The following STRBP variants were observed in gnomAD, a reference collection of about 807,000 sequenced individuals.
The protein encoded by STRBP is spermatid perinuclear RNA-binding protein.
In STRBP, 13 loss-of-function variants were observed where a neutral mutation model predicts 80.1. The observed-to-expected ratio is 0.16, with a 90% CI of 0.11 to 0.26. The LOEUF is 0.26. Ranked by LOEUF, STRBP falls within the 10% of genes least tolerant of loss-of-function variation. The pLI, the probability that STRBP is intolerant of heterozygous loss-of-function variation, is 1.00. For missense variants in STRBP, 485 were observed against 815.2 expected, an observed-to-expected ratio of 0.59 and a Z score of 4.93; for synonymous variants, 284 against 291.2, an observed-to-expected ratio of 0.98 and a Z score of 0.25.
At chr9:123,164,550 T>G (rs1299739195) in intron 6 of STRBP, among the ~76,000 whole-genome samples, 14 of 152,158 alleles carry the variant, frequency 9.2e-5, no homozygotes, top group Non-Finnish European at 1.5e-5. Context: ...ACATGCAAGC[T>G]AGCTATCTGT....
chr9:123,194,581 T>C (rs1029849436), intron 2 of STRBP, among the ~76,000 whole-genome samples: 3 of 152,180 alleles, frequency 2.0e-5, no homozygotes, highest in African/African-American at 7.2e-5. Context: ...TTCTAGAGCA[T>C]AACTGAGTTT....
At chr9:123,197,667 CTTTT>C (rs71388358) in intron 2 of STRBP, among the ~76,000 whole-genome samples, 8 of 87,380 alleles carry the variant, frequency 9.2e-5, no homozygotes, top group East Asian at 3.8e-4. Context: ...AAACATATTT[CTTTT>C]TTTTTTTTTT....
intron 3 of STRBP, among the ~76,000 whole-genome samples, chr9:123,182,805 C>T (rs1202907033): frequency 3.9e-5 from 6 of 151,942 alleles, no homozygotes; most frequent in African/African-American, 1.5e-4. Flanking sequence ...TGAGCCAAGG[C>T]GTTCCAGACC....
chr9:123,115,966 T>TC lies in STRBP; in HGVS notation c.*46dup, dbSNP rs1427548700. ...CCCACGTTCTCTCCAGGTCTCCTCT[T>TC]CACCAGCCTTAACCTTCTGGTCCTT... On this transcript the variant is annotated 3_prime_UTR_variant and NMD_transcript_variant, in exon 3 of 4. Transcript: ENST00000471564. This position sits in a 1 kb window ranked among gnomAD's most constrained non-coding sequence, Gnocchi z 5.0. 1 of 455,880 alleles carries TC rather than the reference T, an allele frequency of 2.2e-6. No homozygotes were observed. The highest frequency in any genetic ancestry group is 6.9e-5 in the East Asian group (1 of 14,394). 28.2% of individuals were successfully genotyped at this position (455,880 alleles called of 1,614,324 possible).
downstream of STRBP, among the ~76,000 whole-genome samples, chr9:123,120,664 TG>T (rs1282221354): frequency 7.9e-5 from 12 of 152,180 alleles, no homozygotes; most frequent in East Asian, 1.9e-3. Flanking sequence ...AAAAAAAATG[TG>T]CTCCGTGTTT....
intron 11 of STRBP, among the ~76,000 whole-genome samples, chr9:123,156,390 T>G (rs1250890005): frequency 1.3e-5 from 2 of 151,986 alleles, no homozygotes; most frequent in African/African-American, 4.8e-5. Context: ...TAGGGTAGAA[T>G]CTGGAGGATT....
intron 1 of STRBP, among the ~76,000 whole-genome samples, chr9:123,259,632 C>T (rs2041117858): frequency 6.6e-6 from 1 of 152,128 alleles, no homozygotes; most frequent in African/African-American, 2.4e-5. Flanking sequence ...TTGCTTGAAC[C>T]CGGGCAGCAG....
intron 2 of STRBP, among the ~76,000 whole-genome samples, chr9:123,223,049 TGATAGATA>T (rs33997248): frequency 0.079 from 11,705 of 147,948 alleles, 494 homozygotes; most frequent in Non-Finnish European, 0.093. Flanking sequence ...GATAGATAGA[TGATAGATA>T]GATAGATAGA....
Position 123,136,524 on chromosome 9 carries a change from G to C in STRBP, c.1498-9C>G, listed in dbSNP as rs2036359523. ...GGGCCCTGAGTTCTTACCTATAAGA[G>C]AAAGGGAATCTGAAGGTTCAATCAA... On this transcript the variant is annotated splice_polypyrimidine_tract_variant and intron_variant, in intron 14 of 18. Transcript: ENST00000348403. This position sits in a 1 kb window ranked among gnomAD's most constrained non-coding sequence, Gnocchi z 4.2. 1.2e-6 allele frequency: 2 copies of C among 1,610,958 alleles called. No homozygotes were observed. Among genetic ancestry groups the C allele is most frequent in the Non-Finnish European group, 1.7e-6 (2 of 1,179,266 alleles).
intron 1 of STRBP, among the ~76,000 whole-genome samples, chr9:123,264,418 T>C (rs2041225408): frequency 6.6e-6 from 1 of 152,218 alleles, no homozygotes; most frequent in Admixed American, 6.5e-5. Context: ...TTCATCTCTA[T>C]CCAACTTTCA....
intron 6 of STRBP, among the ~76,000 whole-genome samples, chr9:123,169,037 A>G (rs1357611523): frequency 2.0e-5 from 3 of 152,170 alleles, no homozygotes; most frequent in African/African-American, 7.2e-5. Context: ...AATTTACTAA[A>G]CATTATCCAT....
intron 11 of STRBP, among the ~76,000 whole-genome samples, chr9:123,153,169 G>A (rs143553149): frequency 1.3e-5 from 2 of 151,250 alleles, no homozygotes; most frequent in African/African-American, 4.9e-5. Context: ...TGTCAGCAGC[G>A]AAGAAGCTAA....
At chr9:123,259,075 A>T (rs10985917) in intron 1 of STRBP, among the ~76,000 whole-genome samples, 1 of 141,848 alleles carries the variant, frequency 7.0e-6, no homozygotes, top group Non-Finnish European at 1.5e-5. Context: ...AAAAAAAAAA[A>T]GGGGGGGGGA....
intron 13 of STRBP, among the ~76,000 whole-genome samples, chr9:123,140,303 A>G (rs2036534798): frequency 6.6e-6 from 1 of 152,204 alleles, no homozygotes; most frequent in Non-Finnish European, 1.5e-5. Context: ...AACTTAAAAG[A>G]TTCAGTCTCG....
rs71390421 is a variant in STRBP, at chr9:123,235,584, CAAAAAAAAAAAAAAA to C, written c.-165+1231_-165+1245del. On this transcript the variant is annotated intron_variant, in intron 2 of 18. Coordinates refer to ENST00000348403, the MANE Select transcript of STRBP (RefSeq NM_018387.5). ...AATCTGGATGAAGAGACAAGTTCAGCAAAAAAAAAAAAAAAAAAAAAAAAAAAAAAAAGTTATCCC... is the reference window on the plus strand; with the variant it reads ...AATCTGGATGAAGAGACAAGTTCAGCAAAAAAAAAAAAAAAAAGTTATCCC... Among the ~76,000 whole-genome samples the C allele has an allele frequency of 6.0e-4, 22 of 36,530 alleles. 1 individual carries two copies. The South Asian group carries it at 8.1e-3, about 13-fold the overall frequency. The allele number at this position is 36,530 out of a possible 152,430, so 24.0% of individuals were successfully genotyped here.
downstream of STRBP, among the ~76,000 whole-genome samples, chr9:123,121,117 A>G (rs1410888596): frequency 6.6e-6 from 1 of 152,176 alleles, no homozygotes; most frequent in African/African-American, 2.4e-5. Flanking sequence ...ACTGGATCGC[A>G]CTCAGTACTA....
rs539960380 is a variant in STRBP, at chr9:123,195,895, C to A, written c.-164-11597G>T. Among the ~76,000 whole-genome samples the A allele has an allele frequency of 3.3e-5, 5 of 152,260 alleles. No individual in the cohort carries two copies. In the South Asian group the frequency reaches 8.3e-4, roughly 25 times the overall value. On this transcript the variant is annotated intron_variant, in intron 2 of 18. Coordinates refer to ENST00000348403, the MANE Select transcript of STRBP (RefSeq NM_018387.5). ...CACCAAAGACCCAGACTAGCCAAAA[C>A]TATCGTGAGTAAAAAGAACAAAACT...
At chr9:123,142,980 G>A (rs1306482569) in intron 13 of STRBP, among the ~76,000 whole-genome samples, 1 of 152,112 alleles carries the variant, frequency 6.6e-6, no homozygotes, top group African/African-American at 2.4e-5. Context: ...CTTTCTTCCT[G>A]GAAGAGGGCA....
intron 14 of STRBP, among the ~76,000 whole-genome samples, chr9:123,138,896 T>C (rs2036471563): frequency 6.6e-6 from 1 of 152,248 alleles, no homozygotes; most frequent in Admixed American, 6.5e-5. Flanking sequence ...GCTCTTGCTG[T>C]TACTTTAAAG....
Sources: gnomAD v4.1 joint callset for allele counts (sites outside exome capture counted in the v4.1 genomes callset) on GRCh38, gnomAD v4.1.1 for gene constraint, Gnocchi (gnomAD v3.1) non-coding constraint, MANE v1.5 for transcripts, NCBI Gene and HGNC (gene_info 2026-07-23, HGNC 2026-07-21) for gene names.